Variants in PKD1L1 observed in about 807,000 individuals in gnomAD.
The protein encoded by PKD1L1 is polycystin 1 like 1, transient receptor potential channel interacting, also known as polycystin-1-like protein 1.
In PKD1L1, 236 loss-of-function variants were observed where a neutral mutation model predicts 323.4. The observed-to-expected ratio is 0.73, with a 90% CI of 0.66 to 0.81. The LOEUF (loss-of-function observed/expected upper bound fraction) is 0.81. Among genes scored for constraint, PKD1L1 ranks in the 40% least tolerant of loss-of-function variants. PKD1L1 has a pLI of 0.00. For synonymous variants in PKD1L1, 1,344 were observed against 1,335.0 expected (o/e 1.01, Z -0.15); for missense variants, 3,320 against 3,508.0 (o/e 0.95, Z 1.35).
chr7:47,893,960 A>G lies in PKD1L1; in HGVS notation c.2371T>C (p.Phe791Leu). The G allele has an allele frequency of 6.2e-7, 1 of 1,614,004 alleles. No homozygotes were observed. Residue 791 changes from phenylalanine to leucine, a missense_variant, in exon 15 of 57, where the codon TTC becomes CTC. Coordinates refer to ENST00000289672, the MANE Select transcript of PKD1L1 (RefSeq NM_138295.5). ...VSVISEGTHL[F>L]FSRTTSSPIV... ...GGGGATGAGGTGGTCCTGGAGAAGA[A>G]TAGGTGTGTGCCCTCGGAGATCACA...
chr7:47,776,747 A>G (rs551392382), intron 56 of PKD1L1, among the ~76,000 whole-genome samples: 1 of 152,324 alleles, frequency 6.6e-6, no homozygotes, highest in African/African-American at 2.4e-5. Flanking sequence ...TGTATTTATG[A>G]CCACGCAATA....
At chr7:47,833,603 G>A (rs1785394533) in intron 40 of PKD1L1, among the ~76,000 whole-genome samples, 1 of 152,138 alleles carries the variant, frequency 6.6e-6, no homozygotes, top group South Asian at 2.1e-4. Context: ...TGGGGAGGGC[G>A]CAGAGCTCCG....
chr7:47,835,949 T>A (rs7783849), intron 37 of PKD1L1, among the ~76,000 whole-genome samples: 8,428 of 152,160 alleles, frequency 0.055, 304 homozygotes, highest in South Asian at 0.14. Flanking sequence ...ATGGCTACAA[T>A]CCAGCAAGGC....
intron 24 of PKD1L1, 49 bp from the exon 25 acceptor site, chr7:47,866,663 C>T: frequency 1.4e-6 from 2 of 1,476,292 alleles, no homozygotes; most frequent in Non-Finnish European, 1.8e-6. Context: ...CACGGCAAAA[C>T]TTTTCACCCT....
Position 47,815,471 on chromosome 7 carries a change from C to CA in PKD1L1, c.6966-15dup, listed in dbSNP as rs768463076. On this transcript the variant is annotated splice_polypyrimidine_tract_variant and intron_variant, in intron 46 of 56. Coordinates refer to ENST00000289672, the MANE Select transcript of PKD1L1 (RefSeq NM_138295.5). ...TTTCTGGCATTTCTTAATGCAAGAA[C>CA]AAAAATAAAAAGTTGCTTCTGCATC... 3.1e-5 allele frequency: 50 copies of CA among 1,607,804 alleles called. No individual in the cohort carries two copies. Among genetic ancestry groups the CA allele is most frequent in the Admixed American group, 6.8e-5 (4 of 58,486 alleles).
chr7:47,949,368 C>CA (rs58131581), upstream of PKD1L1, among the ~76,000 whole-genome samples: 161 of 57,044 alleles, frequency 2.8e-3, 8 homozygotes, highest in Middle Eastern at 0.015. Flanking sequence ...GGCTCTGTCT[C>CA]AAAAAAAAAA....
chr7:47,885,635 A>G (rs768566335), intron 18 of PKD1L1, 51 bp downstream of exon 18: 1 of 1,556,074 alleles, frequency 6.4e-7, no homozygotes, highest in Non-Finnish European at 8.7e-7. Context: ...TTCCAAAGGT[A>G]ACTTTGGTGC....
At chr7:47,899,955 C>CAAAAAAAAA (rs10639721) in intron 13 of PKD1L1, among the ~76,000 whole-genome samples, 3 of 106,512 alleles carry the variant, frequency 2.8e-5, no homozygotes, top group Non-Finnish European at 3.7e-5. Context: ...GACTCCATCC[C>CAAAAAAAAA]AAAAAAAAAA....
chr7:47,855,129 G>A lies in PKD1L1; in HGVS notation c.4701+26C>T, dbSNP rs1785869329. ...CAGCCAGCACAGCCTAAATGAAGTA[G>A]AGATACTGAGAAAGGCTCTCCTTAC... On this transcript the variant is annotated intron_variant, in intron 29 of 56. Transcript: ENST00000289672. 3 of 1,611,680 alleles carry A rather than the reference G, an allele frequency of 1.9e-6. No homozygotes were observed. The African/African-American group carries it at 4.0e-5, about 22-fold the overall frequency.
intron 7 of PKD1L1, among the ~76,000 whole-genome samples, chr7:47,924,333 G>C (rs977797625): frequency 1.3e-5 from 2 of 152,216 alleles, no homozygotes; most frequent in African/African-American, 4.8e-5. Flanking sequence ...AGCTGAGTTA[G>C]TTCCTTGGCA....
In PKD1L1 at chr7:47,866,604, T is replaced by C. The variant is rs1562965009; in HGVS notation, c.3907A>G (p.Ser1303Gly). 6.2e-6 allele frequency: 10 copies of C among 1,606,062 alleles called. No homozygotes were observed. The highest frequency in any genetic ancestry group is 3.3e-4 in the Middle Eastern group (2 of 6,040). Residue 1303 changes from serine (S) to glycine (G), a missense_variant, in exon 25 of 57, where the codon AGC becomes GGC. Coordinates refer to ENST00000289672, the MANE Select transcript of PKD1L1 (RefSeq NM_138295.5). ...DCLGEDLYNS[S>G]LKNLSTLQLM... The stretch of plus-strand genomic sequence containing the variant: ...TGGAGGGTAGAAAGGTTTTTCAGGC[T>C]GGAATTATACCTGAAGGAAACACAA...
At chr7:47,948,618 A>C, upstream of PKD1L1, 1 of 602,022 alleles carries the variant, frequency 1.7e-6, no homozygotes, top group East Asian at 2.8e-5. Flanking sequence ...TCCCAAGCAG[A>C]AACAGCTTTT....
At chr7:47,915,831 A>G (rs904914331) in intron 7 of PKD1L1, among the ~76,000 whole-genome samples, 1 of 152,080 alleles carries the variant, frequency 6.6e-6, no homozygotes, top group African/African-American at 2.4e-5. Context: ...CTCTATGCAA[A>G]AAAATGTTAA....
Position 47,882,222 on chromosome 7 carries a change from C to T in PKD1L1, c.3266-137G>A, listed in dbSNP as rs982320876. ...CGCCTATCTAATATAATGTCTTCAGCAGCCAAACATATTCAAGACATGTAC... is the reference window on the plus strand; with the variant it reads ...CGCCTATCTAATATAATGTCTTCAGTAGCCAAACATATTCAAGACATGTAC... On this transcript the variant is annotated intron_variant, in intron 19 of 56. Transcript: ENST00000289672. The T allele has an allele frequency of 1.3e-5, 12 of 932,854 alleles. No individual in the cohort carries two copies. The African/African-American group carries it at 1.9e-4, about 14-fold the overall frequency. The allele number at this position is 932,854 out of a possible 1,614,324, so 57.8% of individuals were successfully genotyped here.
chr7:47,825,270 C>T (rs1390802143), intron 45 of PKD1L1, among the ~76,000 whole-genome samples: 1 of 151,906 alleles, frequency 6.6e-6, no homozygotes, highest in Non-Finnish European at 1.5e-5. Flanking sequence ...TGGCTCATGC[C>T]TATAATCCCA....
intron 45 of PKD1L1, among the ~76,000 whole-genome samples, chr7:47,827,122 ACTGAGTTTT>A (rs1372495710): frequency 6.6e-6 from 1 of 152,228 alleles, no homozygotes; most frequent in African/African-American, 2.4e-5. Context: ...AAATTGTGGA[ACTGAGTTTT>A]CTGACTTCAA....
At chr7:47,864,624 CTTT>C (rs1786115736) in intron 26 of PKD1L1, among the ~76,000 whole-genome samples, 4 of 138,134 alleles carry the variant, frequency 2.9e-5, no homozygotes, top group South Asian at 2.3e-4. Flanking sequence ...TTCTTTCTTT[CTTT>C]CTTTCTTTCC....
intron 16 of PKD1L1, 48 bp downstream of exon 16, chr7:47,890,494 G>A: frequency 6.3e-7 from 1 of 1,575,918 alleles, no homozygotes; most frequent in Non-Finnish European, 8.7e-7. Flanking sequence ...GCACCAGGTG[G>A]GAACAAACAC....
chr7:47,789,715 C>G (rs1226628421), intron 56 of PKD1L1, among the ~76,000 whole-genome samples: 2 of 152,090 alleles, frequency 1.3e-5, no homozygotes, highest in Non-Finnish European at 2.9e-5. Context: ...TATATATTGT[C>G]CTTTGTTTTA....
Sources: gnomAD v4.1 joint callset for allele counts (sites outside exome capture counted in the v4.1 genomes callset) on GRCh38, gnomAD v4.1.1 for gene constraint, MANE v1.5 for transcripts, NCBI Gene and HGNC (gene_info 2026-07-23, HGNC 2026-07-21) for gene names.